NRXN3: variants seen among roughly 807,000 people sequenced by gnomAD.
NRXN3 encodes neurexin 3, also known as neurexin III.
NRXN3 carries 32 observed loss-of-function variants against 137.6 expected under a neutral mutation model. That is an observed-to-expected ratio of 0.23 (90% CI 0.18 to 0.31). NRXN3 has a LOEUF of 0.31. NRXN3 is among the 10% of genes least tolerant of loss of function. NRXN3 has a pLI of 1.00. For synonymous variants in NRXN3, 798 were observed against 784.5 expected, an observed-to-expected ratio of 1.02 and a Z score of -0.29; for missense variants, 1,574 against 2,062.5, an observed-to-expected ratio of 0.76 and a Z score of 4.59.
intron 15 of NRXN3, among the ~76,000 whole-genome samples, chr14:79,058,385 A>G (rs1427159838): frequency 6.6e-6 from 1 of 152,150 alleles, no homozygotes; most frequent in Non-Finnish European, 1.5e-5. Context: ...ACAGACAAGC[A>G]GTATGTAAGT....
At position 78,988,079 on chromosome 14, in the gene NRXN3, A is replaced by G; in HGVS notation, c.3200A>G (p.Gln1067Arg). ...SCANQGVCMQ[Q>R]WEGFTCDCSM... ...GCCAACCAGGGGGTCTGCATGCAAC[A>G]ATGGGAGGGCTTCACCTGTGATTGT... is the stretch of plus-strand genomic sequence containing the variant. The change falls in exon 15 of 21, where the codon CAA becomes CGA. Residue 1067 changes from glutamine to arginine, a missense_variant. Around this residue, in one of 5 missense-constraint regions of NRXN3, gnomAD observed 718 missense variants for 887.6 expected, o/e 0.81. Coordinates refer to ENST00000335750, the MANE Select transcript of NRXN3 (RefSeq NM_001330195.2). The G allele has an allele frequency of 6.2e-7, 1 of 1,613,978 alleles. No homozygotes were observed. The highest frequency in any genetic ancestry group is 8.5e-7 in the Non-Finnish European group (1 of 1,179,912).
chr14:78,923,640 T>C (rs1359122676), intron 10 of NRXN3, among the ~76,000 whole-genome samples: 2 of 152,208 alleles, frequency 1.3e-5, no homozygotes, highest in African/African-American at 4.8e-5. Context: ...AGGTAGAACA[T>C]CCAGTATCTT....
intron 16 of NRXN3, among the ~76,000 whole-genome samples, chr14:79,541,210 C>T (rs1343477094): frequency 2.0e-5 from 3 of 152,188 alleles, no homozygotes; most frequent in Non-Finnish European, 4.4e-5. Context: ...TGAGACCAGC[C>T]TGGCCACTGT....
At chr14:79,708,111 T>C (rs1341117707) in intron 19 of NRXN3, among the ~76,000 whole-genome samples, 3 of 135,668 alleles carry the variant, frequency 2.2e-5, no homozygotes, top group Non-Finnish European at 3.1e-5. Context: ...TCTGCATATG[T>C]GGGATTGCAT....
chr14:78,307,900 C>T (rs2077529866), intron 4 of NRXN3, among the ~76,000 whole-genome samples: 2 of 152,102 alleles, frequency 1.3e-5, no homozygotes, highest in Non-Finnish European at 2.9e-5. Context: ...AATTATTTCA[C>T]TCTTTTGGGC....
intron 14 of NRXN3, chr14:78,972,840 T>TAA (rs2099448034): frequency 2.0e-5 from 3 of 152,298 alleles, no homozygotes; most frequent in Admixed American, 2.0e-4. Flanking sequence ...CTTACTAACC[T>TAA]CTGGTTATTG....
chr14:78,896,562 A>G lies in NRXN3; in HGVS notation c.2276-60680A>G, dbSNP rs117157591. On this transcript the variant is annotated intron_variant, in intron 10 of 20. Coordinates refer to ENST00000335750, the MANE Select transcript of NRXN3 (RefSeq NM_001330195.2). Reference sequence around the variant, plus strand: ...AATGGAGATCTGATTACTAGCTTCCAGAGATTGGTTGAGAATTGAGGGAGA... The same window carrying G: ...AATGGAGATCTGATTACTAGCTTCCGGAGATTGGTTGAGAATTGAGGGAGA... Among the ~76,000 whole-genome samples the G allele has an allele frequency of 9.0e-3, 1,375 of 151,982 alleles. 7 individuals carry two copies. Among genetic ancestry groups the G allele is most frequent in the Non-Finnish European group, 0.016 (1,083 of 67,870 alleles).
chr14:78,714,787 A>G lies in NRXN3; in HGVS notation c.1692A>G (p.Pro564=). The G allele has an allele frequency of 6.2e-7, 1 of 1,614,074 alleles. No homozygotes were observed. The highest frequency in any genetic ancestry group is 8.5e-7 in the Non-Finnish European group (1 of 1,179,988). The stretch of plus-strand genomic sequence containing the variant: ...TATCAGTGAACAGCAGGCGCACGCC[A>G]TTCACCGCCAGTGGGGAGAGCGAGA... ...GTISVNSRRT[P]FTASGESEIL... is the part of the protein sequence containing the mutation. Residue 564 remains proline, a synonymous_variant, in exon 8 of 21, where the codon CCA becomes CCG. Transcript: ENST00000335750.
intron 2 of NRXN3, among the ~76,000 whole-genome samples, chr14:78,268,281 TTTTGTTTTG>T (rs2072133185): frequency 4.0e-5 from 6 of 148,750 alleles, no homozygotes; most frequent in Admixed American, 2.6e-4. Context: ...TTTTGTTTTG[TTTTGTTTTG>T]TTTTCAAAGA....
At chr14:79,589,550 T>TAAAAAAA (rs58740411) in intron 16 of NRXN3, among the ~76,000 whole-genome samples, 1 of 87,056 alleles carries the variant, frequency 1.1e-5, no homozygotes, top group Non-Finnish European at 2.1e-5. Context: ...GTAGAATACC[T>TAAAAAAA]AAAAAAAAAA....
chr14:78,320,704 C>G (rs1427478725), intron 4 of NRXN3, among the ~76,000 whole-genome samples: 1 of 152,148 alleles, frequency 6.6e-6, no homozygotes. Flanking sequence ...GTGTGGCTTT[C>G]CTGTGTGTTG....
chr14:79,706,189 T>A lies in NRXN3; in HGVS notation c.4014+8252T>A, dbSNP rs201490621. Among the ~76,000 whole-genome samples, 13 of 152,304 alleles carry A rather than the reference T, an allele frequency of 8.5e-5. No individual in the cohort carries two copies. In the East Asian group the frequency reaches 2.1e-3, roughly 25 times the overall value. ...TCTCCTTGTCTCTGGTATGTAAGAT[T>A]ATTTTTGTTAGCTTCCAGTCTTGTT... On this transcript the variant is annotated intron_variant, in intron 19 of 20. Coordinates refer to ENST00000335750, the MANE Select transcript of NRXN3 (RefSeq NM_001330195.2).
chr14:78,631,588 AC>A (rs2097523538), intron 4 of NRXN3, among the ~76,000 whole-genome samples: 1 of 152,226 alleles, frequency 6.6e-6, no homozygotes, highest in South Asian at 2.1e-4. Context: ...ACAAAACTAA[AC>A]CAATTTGAGT....
intron 15 of NRXN3, among the ~76,000 whole-genome samples, chr14:79,018,062 C>T (rs1299222515): frequency 6.6e-6 from 1 of 151,516 alleles, no homozygotes; most frequent in Admixed American, 6.6e-5. Context: ...GAGTTCAAGA[C>T]CAGCCTGGCT....
At chr14:79,300,162 A>C (rs1361924452) in intron 15 of NRXN3, among the ~76,000 whole-genome samples, 1 of 152,014 alleles carries the variant, frequency 6.6e-6, no homozygotes, top group East Asian at 1.9e-4. Flanking sequence ...TTAGCATTTC[A>C]TCCTCAATGA....
At chr14:78,954,135 A>T (rs17108401) in intron 10 of NRXN3, among the ~76,000 whole-genome samples, 32,882 of 151,922 alleles carry the variant, frequency 0.22, 4,610 homozygotes, top group East Asian at 0.46. Flanking sequence ...ATTCACTTTT[A>T]TGCCTGGGCT....
intron 19 of NRXN3, among the ~76,000 whole-genome samples, chr14:79,735,109 A>G (rs57431036): frequency 0.02 from 3,035 of 152,298 alleles, 98 homozygotes; most frequent in African/African-American, 0.069. Context: ...TATTTCTAAT[A>G]CAGCAGCTTC....
intron 4 of NRXN3, among the ~76,000 whole-genome samples, chr14:78,536,635 T>A (rs577586246): frequency 6.6e-6 from 1 of 152,224 alleles, no homozygotes; most frequent in Non-Finnish European, 1.5e-5. Context: ...TACTTTAAGT[T>A]CTAGGGTACA....
chr14:78,291,806 AAAG>A (rs1297943977), intron 3 of NRXN3, among the ~76,000 whole-genome samples: 11 of 152,372 alleles, frequency 7.2e-5, no homozygotes, highest in Middle Eastern at 3.4e-3. Flanking sequence ...GCTATGAAAA[AAAG>A]AGATGATATA....
Sources: allele counts gnomAD v4.1 joint callset (sites outside exome capture counted in the v4.1 genomes callset), GRCh38; gene constraint gnomAD v4.1.1; regional missense constraint gnomAD v4.1.1; transcripts MANE v1.5; gene names NCBI Gene and HGNC (gene_info 2026-07-23, HGNC 2026-07-21).